The following MME variants were observed in gnomAD, a reference collection of about 807,000 sequenced individuals.
MME encodes the protein neprilysin.
A neutral mutation model predicts 113.2 loss-of-function variants in MME; 98 were observed. That is an observed-to-expected ratio of 0.87 (90% CI 0.74 to 1.02). The LOEUF (loss-of-function observed/expected upper bound fraction) is 1.02. MME is among the 50% of genes least tolerant of loss of function. The pLI, the probability that MME is intolerant of heterozygous loss-of-function variation, is 0.00. For synonymous variants in MME, 292 were observed against 300.6 expected (o/e 0.97, Z 0.30); for missense variants, 836 against 896.0 (o/e 0.93, Z 0.86).
At chr3:155,116,454 C>G (rs753688812) in intron 4 of MME, 25 bp from the exon 5 acceptor site, 1 of 1,486,852 alleles carries the variant, frequency 6.7e-7, no homozygotes, top group Non-Finnish European at 9.4e-7. Context: ...TATGTTGATG[C>G]ATTTTATTAA....
At chr3:155,129,741 A>G (rs1485783256) in intron 8 of MME, among the ~76,000 whole-genome samples, 3 of 152,196 alleles carry the variant, frequency 2.0e-5, no homozygotes, top group South Asian at 2.1e-4. Flanking sequence ...ACACAATGCT[A>G]TCTCAAAGAA....
chr3:155,067,542 C>G (rs1178334809), intron 1 of MME, among the ~76,000 whole-genome samples: 1 of 151,860 alleles, frequency 6.6e-6, no homozygotes, highest in Non-Finnish European at 1.5e-5. Context: ...AACTCCTGAC[C>G]TCGTGATCTG....
intron 8 of MME, among the ~76,000 whole-genome samples, chr3:155,137,256 G>A (rs1022898478): frequency 6.6e-6 from 1 of 152,180 alleles, no homozygotes; most frequent in Non-Finnish European, 1.5e-5. Context: ...CTACAGGTGT[G>A]TGTTGGTGGA....
chr3:155,124,891 C>T (rs1719477798), intron 8 of MME, among the ~76,000 whole-genome samples: 1 of 152,174 alleles, frequency 6.6e-6, no homozygotes, highest in Non-Finnish European at 1.5e-5. Context: ...TGCCCTGCCC[C>T]CAGAGGTGGA....
chr3:155,077,464 A>C (rs528258446), upstream of MME, among the ~76,000 whole-genome samples: 1 of 152,300 alleles, frequency 6.6e-6, no homozygotes, highest in South Asian at 2.1e-4. Context: ...GGGACTCTTT[A>C]AGATCCCTTA....
chr3:155,154,807 C>T (rs753408551), intron 16 of MME, among the ~76,000 whole-genome samples: 1 of 152,038 alleles, frequency 6.6e-6, no homozygotes, highest in Non-Finnish European at 1.5e-5. Context: ...GATAGTCTCT[C>T]GAGGGTGGGC....
At chr3:155,131,044 A>T (rs1194199757) in intron 8 of MME, among the ~76,000 whole-genome samples, 1 of 152,236 alleles carries the variant, frequency 6.6e-6, no homozygotes, top group Non-Finnish European at 1.5e-5. Flanking sequence ...GTTATAAAGA[A>T]AATAAATCAA....
chr3:155,030,973 T>C (rs55862533), intron 1 of MME, among the ~76,000 whole-genome samples: 6,948 of 152,306 alleles, frequency 0.046, 187 homozygotes, highest in African/African-American at 0.059. Context: ...GGTTCCCTGA[T>C]AGGGAATTCA....
intron 18 of MME, 103 bp downstream of exon 18, chr3:155,167,124 G>A: frequency 1.4e-6 from 2 of 1,413,422 alleles, no homozygotes; most frequent in Non-Finnish European, 2.0e-6. Context: ...ATTCAAACAT[G>A]TATCATTTCT....
rs761975496 is a variant in MME, at chr3:155,166,795, C to A, written c.1661-107C>A. The A allele has an allele frequency of 3.6e-6, 5 of 1,394,630 alleles. No homozygotes were observed. The African/African-American group carries it at 4.3e-5, about 12-fold the overall frequency. The allele number at this position is 1,394,630 out of a possible 1,614,324, so 86.4% of individuals were successfully genotyped here. On this transcript the variant is annotated intron_variant, in intron 17 of 22. Transcript: ENST00000360490. ...CACTGAATAATGCCATGGTGGCATG[C>A]GCCTGTAGTCCCAGCTACTCCTGAG...
chr3:155,051,213 G>A (rs112284649), intron 1 of MME, among the ~76,000 whole-genome samples: 4,069 of 152,222 alleles, frequency 0.027, 83 homozygotes, highest in South Asian at 0.089. Flanking sequence ...GATTACATGT[G>A]TAACTCAATA....
At chr3:155,036,067 T>C (rs1713117486) in intron 1 of MME, among the ~76,000 whole-genome samples, 1 of 152,018 alleles carries the variant, frequency 6.6e-6, no homozygotes, top group Non-Finnish European at 1.5e-5. Flanking sequence ...GTAAAGCAGA[T>C]GGAATTTACT....
At chr3:155,157,881 A>G (rs778986462) in intron 16 of MME, among the ~76,000 whole-genome samples, 6 of 152,174 alleles carry the variant, frequency 3.9e-5, no homozygotes, top group Non-Finnish European at 7.4e-5. Context: ...TCTTTAAGGT[A>G]TAATTCACAG....
intron 1 of MME, among the ~76,000 whole-genome samples, chr3:155,063,325 A>G (rs1480442013): frequency 1.8e-5 from 2 of 109,392 alleles, no homozygotes; most frequent in Non-Finnish European, 3.4e-5. Flanking sequence ...CATTTATAAT[A>G]TATATAAATA....
At chr3:155,174,368 G>C (rs1475234988) in intron 22 of MME, among the ~76,000 whole-genome samples, 1 of 147,646 alleles carries the variant, frequency 6.8e-6, no homozygotes, top group Non-Finnish European at 1.5e-5. Flanking sequence ...GTGTGTGTGT[G>C]TGTGTGTGTG....
At chr3:155,047,786 G>A (rs1206229071) in intron 1 of MME, among the ~76,000 whole-genome samples, 1 of 152,000 alleles carries the variant, frequency 6.6e-6, no homozygotes, top group Non-Finnish European at 1.5e-5. Flanking sequence ...AGATGGATTG[G>A]GTAGACTATG....
rs966577562 is a variant in MME at position 155,087,181 on chromosome 3, A to G, written c.196+2087A>G. 4.0e-5 allele frequency among the ~76,000 whole-genome samples: 6 copies of G among 151,768 alleles called. No individual in the cohort carries two copies. In the South Asian group the frequency reaches 8.3e-4, roughly 21 times the overall value. ...ATTTTTGTTATTCACTGAACTTTGC[A>G]AAAAAATGACGGGAAAATATCTGGC... On this transcript the variant is annotated intron_variant, in intron 3 of 22. Coordinates refer to ENST00000360490, the MANE Select transcript of MME (RefSeq NM_007289.4).
intron 8 of MME, among the ~76,000 whole-genome samples, chr3:155,132,653 G>A (rs1172893703): frequency 1.3e-5 from 2 of 152,058 alleles, no homozygotes; most frequent in Non-Finnish European, 2.9e-5. Flanking sequence ...AATGAGAGCT[G>A]ACTCTGGCCT....
chr3:155,049,757 G>A (rs1713695244), intron 1 of MME, among the ~76,000 whole-genome samples: 1 of 151,988 alleles, frequency 6.6e-6, no homozygotes, highest in Non-Finnish European at 1.5e-5. Context: ...TGAGAGGTAT[G>A]TCATCAAAAA....
Sources: allele counts gnomAD v4.1 joint callset (sites outside exome capture counted in the v4.1 genomes callset), GRCh38; gene constraint gnomAD v4.1.1; transcripts MANE v1.5; gene names NCBI Gene and HGNC (gene_info 2026-07-23, HGNC 2026-07-21).